The following PDZD7 variants were observed in gnomAD, a reference collection of about 807,000 sequenced individuals.
PDZD7 encodes the protein PDZ domain-containing protein 7.
PDZD7 carries 72 observed loss-of-function variants against 84.7 expected under a neutral mutation model. That is an observed-to-expected ratio of 0.85 (90% CI 0.70 to 1.03). The LOEUF is 1.03. PDZD7 is among the 50% of genes least tolerant of loss of function. The pLI is 0.00. For missense variants in PDZD7, 1,490 were observed against 1,412.9 expected (o/e 1.05, Z -0.87); for synonymous variants, 594 against 580.7 (o/e 1.02, Z -0.33).
At chr10:101,015,136 T>G (rs1852554554) in intron 11 of PDZD7, among the ~76,000 whole-genome samples, 3 of 152,304 alleles carry the variant, frequency 2.0e-5, no homozygotes, top group South Asian at 2.1e-4. Flanking sequence ...GATTACTTAC[T>G]TGGGCAACAG....
intron 4 of PDZD7, 140 bp from the exon 5 acceptor site, chr10:101,022,525 A>G (rs1853175775): frequency 1.1e-5 from 10 of 898,616 alleles, no homozygotes; most frequent in Non-Finnish European, 1.7e-5. Flanking sequence ...AGTGGGGCAT[A>G]GGTTCATTAG....
rs370509900 is a variant in PDZD7 at position 101,017,913 on chromosome 10, AAAAG to A, written c.1522+182_1522+185del. 1.4e-5 allele frequency: 6 copies of A among 440,664 alleles called. No individual in the cohort carries two copies. The Admixed American group carries it at 1.8e-4, about 13-fold the overall frequency. 27.3% of individuals were successfully genotyped at this position (440,664 alleles called of 1,614,324 possible). On this transcript the variant is annotated intron_variant, in intron 9 of 16. Transcript: ENST00000619208. Reference sequence around the variant, plus strand: ...AAAGAAAAGAAAGAAAGAAAGAAAGAAAAGAAAGAAAGAAAAAGAAATAGGTATT... The same window carrying A: ...AAAGAAAAGAAAGAAAGAAAGAAAGAAAAGAAAGAAAAAGAAATAGGTATT...
At chr10:101,014,723 GCA>G (rs372593109) in intron 11 of PDZD7, among the ~76,000 whole-genome samples, 15 of 149,600 alleles carry the variant, frequency 1.0e-4, no homozygotes, top group South Asian at 4.2e-4. Flanking sequence ...TTGCTCACAT[GCA>G]CACACACACA....
In PDZD7 at chr10:101,010,282, C is replaced by T; in HGVS notation, c.2607G>A (p.Lys869=). Residue 869 remains lysine, a synonymous_variant, in exon 15 of 17, where the codon AAG becomes AAA. Transcript: ENST00000619208. ...CCCACGTGGACTCACCTAAGGACTGCTTCATCTTGGACAGTGTCACTGTCT... is the reference window on the plus strand; with the variant it reads ...CCCACGTGGACTCACCTAAGGACTGTTTCATCTTGGACAGTGTCACTGTCT... ...ELKTVTLSKM[K]QSLGISISGG... The T allele has an allele frequency of 6.6e-7, 1 of 1,526,502 alleles. No homozygotes were observed. Among genetic ancestry groups the T allele is most frequent in the Non-Finnish European group, 8.8e-7 (1 of 1,138,826 alleles). 94.6% of individuals were successfully genotyped at this position (1,526,502 alleles called of 1,614,324 possible).
Position 101,007,762 on chromosome 10 carries a change from T to C in PDZD7, c.*705A>G, listed in dbSNP as rs1852262479. ...AGGTTTATGGCCTCGTTTTCACTTG[T>C]ATATTTTTCACACTGTAAATTTCTT... On this transcript the variant is annotated 3_prime_UTR_variant, in exon 17 of 17. Transcript: ENST00000619208. 1.7e-6 allele frequency: 1 copy of C among 591,968 alleles called. No individual in the cohort carries two copies. Among genetic ancestry groups the C allele is most frequent in the Non-Finnish European group, 2.2e-6 (1 of 463,116 alleles). The allele number at this position is 591,968 out of a possible 1,614,324, so 36.7% of individuals were successfully genotyped here.
Position 101,021,787 on chromosome 10 carries a change from G to A in PDZD7, c.867+11C>T, listed in dbSNP as rs372896584. On this transcript the variant is annotated intron_variant, in intron 6 of 16. Coordinates refer to ENST00000619208, the MANE Select transcript of PDZD7 (RefSeq NM_001195263.2). ...AGCCTCACCTCTCCCTACCCCCACT[G>A]TTCTGCCCACCTTGATGGTCAGCAT... 35 of 1,614,044 alleles carry A rather than the reference G, an allele frequency of 2.2e-5. No homozygotes were observed. Among genetic ancestry groups the A allele is most frequent in the Middle Eastern group, 3.3e-4 (2 of 6,084 alleles).
At chr10:101,026,057 T>G (rs1457935786) in intron 2 of PDZD7, among the ~76,000 whole-genome samples, 2 of 151,992 alleles carry the variant, frequency 1.3e-5, no homozygotes, top group Admixed American at 6.5e-5. Context: ...AATACGTATG[T>G]GCCCAAGGCG....
rs1401716686 is a variant in PDZD7, at chr10:101,011,426, C to T, written c.2005+264G>A. The stretch of plus-strand genomic sequence containing the variant: ...GAAAAAATACGACTAGCACACCAAA[C>T]GTAATTTCTCAGAGGTTACTGCATA... On this transcript the variant is annotated intron_variant, in intron 14 of 16. Transcript: ENST00000619208. 8.6e-6 allele frequency: 8 copies of T among 926,376 alleles called. No homozygotes were observed. In the East Asian group the frequency reaches 1.3e-4, roughly 15 times the overall value. 57.4% of individuals were successfully genotyped at this position (926,376 alleles called of 1,614,324 possible).
chr10:101,022,039 G>A (rs551433266), intron 5 of PDZD7, 94 bp from the exon 6 acceptor site: 2 of 1,570,392 alleles, frequency 1.3e-6, no homozygotes, highest in Non-Finnish European at 1.7e-6. Flanking sequence ...GACTGCACCA[G>A]TCAAGGTCCT....
intron 11 of PDZD7, among the ~76,000 whole-genome samples, chr10:101,013,856 T>C (rs569599104): frequency 1.3e-5 from 2 of 150,330 alleles, no homozygotes; most frequent in Admixed American, 1.3e-4. Context: ...TCTTTCTTTT[T>C]TTTTTTTTTT....
chr10:101,017,896 G>GA lies in PDZD7; in HGVS notation c.1522+202dup, dbSNP rs1180992720. 4.1e-3 allele frequency: 1,605 copies of GA among 391,252 alleles called. 7 individuals are homozygous for GA. Among genetic ancestry groups the GA allele is most frequent in the East Asian group, 0.028 (645 of 23,420 alleles). The allele number at this position is 391,252 out of a possible 1,614,324, so 24.2% of individuals were successfully genotyped here. A position where few individuals can be genotyped will look rare whatever the true frequency, so the allele number is the denominator to read the frequency against. ...GAAAGAAAGAAAGAAAGAAAGAAAAGAAAGAAAGAAAGAAAGAAAAGAAAG... is the reference window on the plus strand; with the variant it reads ...GAAAGAAAGAAAGAAAGAAAGAAAAGAAAAGAAAGAAAGAAAGAAAAGAAAG... On this transcript the variant is annotated intron_variant, in intron 9 of 16. Transcript: ENST00000619208.
At chr10:101,030,461 CT>C in intron 1 of PDZD7, 77 bp from the exon 2 acceptor site, 1 of 645,272 alleles carries the variant, frequency 1.5e-6, no homozygotes, top group South Asian at 1.7e-5. Flanking sequence ...ACCCCTCCCC[CT>C]GGTTTAAGCA....
chr10:101,030,757 T>G (rs1590082801), intron 1 of PDZD7: 3 of 140,950 alleles, frequency 2.1e-5, no homozygotes, highest in South Asian at 1.8e-4. Flanking sequence ...TATGCGGGCA[T>G]GGAGGTGGCC....
Position 101,021,472 on chromosome 10 carries a change from C to A in PDZD7, c.867+326G>T, listed in dbSNP as rs186683674. Among the ~76,000 whole-genome samples, 25 of 152,264 alleles carry A rather than the reference C, an allele frequency of 1.6e-4. No individual in the cohort carries two copies. In the East Asian group the frequency reaches 4.7e-3, roughly 28 times the overall value. On this transcript the variant is annotated intron_variant, in intron 6 of 16. Coordinates refer to ENST00000619208, the MANE Select transcript of PDZD7 (RefSeq NM_001195263.2). ...CCAGGTCCTGTCCAAACCGCAGCCA[C>A]CACCCCTCCCTTCTGGGCAAGACAT...
chr10:101,025,790 G>C (rs11190801), intron 2 of PDZD7, among the ~76,000 whole-genome samples: 11,274 of 150,782 alleles, frequency 0.075, 486 homozygotes, highest in Middle Eastern at 0.1. Flanking sequence ...CTCGTGATCT[G>C]CCCGCCTTGG....
Position 101,030,100 on chromosome 10 carries a change from CGTTGCG to C in PDZD7, c.114_119del (p.Ala39_Thr40del). 1 of 1,614,200 alleles carries C rather than the reference CGTTGCG, an allele frequency of 6.2e-7. No individual in the cohort carries two copies. The highest frequency in any genetic ancestry group is 8.5e-7 in the Non-Finnish European group (1 of 1,180,038). On this transcript the variant is annotated inframe_deletion, in exon 2 of 17. Coordinates refer to ENST00000619208, the MANE Select transcript of PDZD7 (RefSeq NM_001195263.2). Reference sequence around the variant, plus strand: ...GTTGTTGCTTCCTTAGCAGGTATCGCGTTGCGGTGGAGCCTGAGTCGCTGCCTAGGT... The same window carrying C: ...GTTGTTGCTTCCTTAGCAGGTATCGCGTGGAGCCTGAGTCGCTGCCTAGGT...
chr10:101,023,371 G>T, intron 4 of PDZD7, 65 bp downstream of exon 4: 1 of 1,601,052 alleles, frequency 6.2e-7, no homozygotes. Context: ...GTGGGTTTTG[G>T]GTGTTGGTAG....
intron 4 of PDZD7, 114 bp downstream of exon 4, chr10:101,023,322 T>A: frequency 7.5e-7 from 1 of 1,339,044 alleles, no homozygotes. Context: ...CTGCGTTTCC[T>A]GAGCCAGCGA....
chr10:101,022,364 GC>G lies in PDZD7; in HGVS notation c.563del (p.Arg188ProfsTer3). The G allele has an allele frequency of 6.2e-7, 1 of 1,614,132 alleles. No homozygotes were observed. The highest frequency in any genetic ancestry group is 2.2e-5 in the East Asian group (1 of 44,876). ...TTGAACCGCACTTCTCCACTACCAG[GC>G]GCCGATTCACCACATCCACCCTGGA... ...KTTWVDVVNR[R>X]LVVEKCGSTP... is the part of the protein sequence containing the mutation. On this transcript the variant is annotated frameshift_variant, in exon 5 of 17. Transcript: ENST00000619208. LOFTEE classifies it high-confidence loss of function.
Sources: allele counts gnomAD v4.1 joint callset (sites outside exome capture counted in the v4.1 genomes callset), GRCh38; gene constraint gnomAD v4.1.1; transcripts MANE v1.5; gene names NCBI Gene and HGNC (gene_info 2026-07-23, HGNC 2026-07-21).